Variants in ACAD11 observed in about 807,000 individuals in gnomAD.
ACAD11 encodes the protein acyl-CoA dehydrogenase family member 11, also known as acyl-Coenzyme A dehydrogenase family, member 11.
ACAD11 carries 83 observed loss-of-function variants against 102.2 expected under a neutral mutation model. The observed-to-expected ratio is 0.81, with a 90% CI of 0.68 to 0.97. The LOEUF (loss-of-function observed/expected upper bound fraction) is 0.97. ACAD11 is among the 50% of genes least tolerant of loss of function. The pLI is 0.00. For synonymous variants in ACAD11, 324 were observed against 319.8 expected (o/e 1.01, Z -0.14); for missense variants, 901 against 951.7 (o/e 0.95, Z 0.70).
chr3:132,624,310 G>GAA (rs60100904), intron 9 of ACAD11, among the ~76,000 whole-genome samples: 136 of 129,146 alleles, frequency 1.1e-3, no homozygotes, highest in African/African-American at 3.7e-3. Flanking sequence ...TCTCTTGAAG[G>GAA]AAAAAAAAAA....
At chr3:132,603,157 A>T in intron 13 of ACAD11, 72 bp downstream of exon 13, 1 of 1,227,060 alleles carries the variant, frequency 8.1e-7, no homozygotes. Context: ...TATGTATCAT[A>T]GCAATATTCT....
intron 9 of ACAD11, among the ~76,000 whole-genome samples, chr3:132,620,777 C>T (rs1456313213): frequency 6.6e-6 from 1 of 152,184 alleles, no homozygotes; most frequent in Non-Finnish European, 1.5e-5. Context: ...ATTTTGGTGG[C>T]TCTCAGAATC....
chr3:132,644,448 C>T (rs943930779), intron 2 of ACAD11, among the ~76,000 whole-genome samples: 8 of 152,008 alleles, frequency 5.3e-5, no homozygotes, highest in Non-Finnish European at 1.5e-5. Context: ...GATACTATTA[C>T]ATATAATAAT....
At chr3:132,599,434 G>C (rs1938470181) in intron 13 of ACAD11, among the ~76,000 whole-genome samples, 1 of 151,968 alleles carries the variant, frequency 6.6e-6, no homozygotes, top group Non-Finnish European at 1.5e-5. Context: ...ATGAACCCGG[G>C]AGGCGGAGGT....
chr3:132,624,393 T>A (rs62291503), intron 9 of ACAD11, among the ~76,000 whole-genome samples: 13,914 of 150,132 alleles, frequency 0.093, 788 homozygotes, highest in Middle Eastern at 0.14. Flanking sequence ...GATCACGAGG[T>A]CAGGAGTTCG....
At chr3:132,561,705 G>T (rs982365610) in intron 17 of ACAD11, among the ~76,000 whole-genome samples, 2 of 152,176 alleles carry the variant, frequency 1.3e-5, no homozygotes, top group Non-Finnish European at 2.9e-5. Flanking sequence ...CATTAAAAAT[G>T]ACCTTTTCTT....
chr3:132,653,924 C>T (rs1014627616), intron 1 of ACAD11, among the ~76,000 whole-genome samples: 12 of 152,112 alleles, frequency 7.9e-5, no homozygotes, highest in Admixed American at 2.0e-4. Context: ...TTGTCGATGG[C>T]TCTCAAATTT....
intron 13 of ACAD11, among the ~76,000 whole-genome samples, chr3:132,596,239 G>A (rs1356094203): frequency 6.6e-6 from 1 of 152,088 alleles, no homozygotes; most frequent in Non-Finnish European, 1.5e-5. Flanking sequence ...GAGAACACAT[G>A]GACACATGGA....
At chr3:132,608,191 C>T (rs1559954970) in intron 11 of ACAD11, among the ~76,000 whole-genome samples, 1 of 152,072 alleles carries the variant, frequency 6.6e-6, no homozygotes, top group South Asian at 2.1e-4. Flanking sequence ...TAAAGACCAT[C>T]GACACTATAA....
At chr3:132,595,215 A>G (rs1177214349) in intron 13 of ACAD11, among the ~76,000 whole-genome samples, 1 of 152,220 alleles carries the variant, frequency 6.6e-6, no homozygotes, top group African/African-American at 2.4e-5. Context: ...TGCAATTACT[A>G]AGACAGAGCA....
intron 19 of ACAD11, among the ~76,000 whole-genome samples, 197 bp from the exon 20 acceptor site, chr3:132,559,282 G>T (rs539727966): frequency 5.9e-5 from 9 of 152,160 alleles, no homozygotes; most frequent in Non-Finnish European, 1.3e-4. Flanking sequence ...ACTTGGGAAA[G>T]TTAAATGCCA....
intron 13 of ACAD11, among the ~76,000 whole-genome samples, chr3:132,594,471 A>C (rs1938214596): frequency 6.6e-6 from 1 of 152,250 alleles, no homozygotes; most frequent in Non-Finnish European, 1.5e-5. Context: ...TAAGTTACTT[A>C]AATATCAGTT....
intron 11 of ACAD11, among the ~76,000 whole-genome samples, chr3:132,605,725 T>C (rs1272537271): frequency 6.6e-6 from 1 of 152,216 alleles, no homozygotes; most frequent in Non-Finnish European, 1.5e-5. Context: ...AGTAAATTCC[T>C]GCGTATGAGC....
chr3:132,651,127 A>G (rs1282112209), intron 1 of ACAD11, among the ~76,000 whole-genome samples: 1 of 152,178 alleles, frequency 6.6e-6, no homozygotes, highest in African/African-American at 2.4e-5. Flanking sequence ...GTCTTCTAGT[A>G]AGCCTGGATG....
Position 132,580,052 on chromosome 3 carries a change from C to T in ACAD11, c.1622-494G>A, listed in dbSNP as rs535584526. ...GTCTGTGGCAATTGCCTACAAGGGT[C>T]TTTTTGCAAAAATTACTTTTAATGT... On this transcript the variant is annotated intron_variant, in intron 13 of 19. Transcript: ENST00000264990. Among the ~76,000 whole-genome samples, 15 of 152,080 alleles carry T rather than the reference C, an allele frequency of 9.9e-5. No homozygotes were observed. In the South Asian group the frequency reaches 3.1e-3, roughly 32 times the overall value.
At chr3:132,612,814 A>G (rs996327045) in intron 11 of ACAD11, among the ~76,000 whole-genome samples, 37 of 151,938 alleles carry the variant, frequency 2.4e-4, no homozygotes, top group African/African-American at 3.6e-4. Flanking sequence ...GGAAGTCAGT[A>G]TGGCGATTCC....
At chr3:132,566,438 C>T (rs1937215724) in intron 17 of ACAD11, among the ~76,000 whole-genome samples, 1 of 151,960 alleles carries the variant, frequency 6.6e-6, no homozygotes, top group East Asian at 1.9e-4. Context: ...TGAAAACATC[C>T]CAAATTTGGC....
chr3:132,583,763 T>C (rs1157330148), intron 13 of ACAD11, among the ~76,000 whole-genome samples: 2 of 152,208 alleles, frequency 1.3e-5, no homozygotes, highest in Non-Finnish European at 2.9e-5. Flanking sequence ...TTGTTCTCGT[T>C]GGTTTCAAAG....
At chr3:132,625,594 C>T (rs905566312) in intron 9 of ACAD11, among the ~76,000 whole-genome samples, 1 of 151,934 alleles carries the variant, frequency 6.6e-6, no homozygotes, top group Non-Finnish European at 1.5e-5. Flanking sequence ...AATTTCCTCA[C>T]TTTAAGTAGT....
Sources: allele counts gnomAD v4.1 joint callset (sites outside exome capture counted in the v4.1 genomes callset), GRCh38; gene constraint gnomAD v4.1.1; transcripts MANE v1.5; gene names NCBI Gene and HGNC (gene_info 2026-07-23, HGNC 2026-07-21).